Variants in ACTN2 observed in about 807,000 individuals in gnomAD.
The protein encoded by ACTN2 is actinin alpha 2.
In ACTN2, 39 loss-of-function variants were observed where a neutral mutation model predicts 113.8. That is an observed-to-expected ratio of 0.34 (90% CI 0.27 to 0.45). The LOEUF is 0.45. ACTN2 is among the 20% of genes least tolerant of loss of function. ACTN2 has a pLI of 1.00. For synonymous variants in ACTN2, 429 were observed against 444.1 expected (o/e 0.97, Z 0.43); for missense variants, 992 against 1,177.9 (o/e 0.84, Z 2.31).
At chr1:236,719,977 A>C in intron 3 of ACTN2, 128 bp from the exon 4 acceptor site, 1 of 705,540 alleles carries the variant, frequency 1.4e-6, no homozygotes, top group South Asian at 1.6e-5. Context: ...GCTTATAAAA[A>C]CATAAACTGG....
chr1:236,686,678 AC>A lies in ACTN2; in HGVS notation c.7del (p.Gln3ArgfsTer2). ...AGCCCCGGCCAACCGAGCGCCATGA[AC>A]CAGATAGAGCCCGGCGTGCAGTACA... M[N>X]QIEPGVQYNY... On this transcript the variant is annotated frameshift_variant, in exon 1 of 21. Coordinates refer to ENST00000366578, the MANE Select transcript of ACTN2 (RefSeq NM_001103.4). LOFTEE classifies it high-confidence loss of function. 1 of 1,558,398 alleles carries A rather than the reference AC, an allele frequency of 6.4e-7. No individual in the cohort carries two copies. The highest frequency in any genetic ancestry group is 8.7e-7 in the Non-Finnish European group (1 of 1,152,172).
At chr1:236,737,060 C>T (rs1426932870) in intron 8 of ACTN2, 62 bp from the exon 9 acceptor site, 47 of 1,402,444 alleles carry the variant, frequency 3.4e-5, no homozygotes, top group Non-Finnish European at 4.4e-5. Flanking sequence ...CCACCTCGTT[C>T]CATGCTGTGT....
intron 1 of ACTN2, among the ~76,000 whole-genome samples, chr1:236,706,553 G>A (rs1398868029): frequency 6.6e-6 from 1 of 152,128 alleles, no homozygotes; most frequent in Non-Finnish European, 1.5e-5. Context: ...CTGCATCCAG[G>A]CAGAGTTTGT....
intron 13 of ACTN2, chr1:236,748,204 T>G (rs1659293702): frequency 4.0e-6 from 1 of 250,096 alleles, no homozygotes; most frequent in Admixed American, 5.1e-5. Context: ...TATTTAAGTG[T>G]AAGACTAAGT....
chr1:236,761,303 C>T (rs1205200281), intron 20 of ACTN2, 130 bp downstream of exon 20: 3 of 1,060,366 alleles, frequency 2.8e-6, no homozygotes, highest in South Asian at 1.4e-5. Context: ...GCACTGATTT[C>T]AGAAGGCAGC....
chr1:236,702,154 C>T (rs1043023700), intron 1 of ACTN2, among the ~76,000 whole-genome samples: 1 of 152,138 alleles, frequency 6.6e-6, no homozygotes, highest in Non-Finnish European at 1.5e-5. Context: ...TGAAGTAGCG[C>T]TTCATTGAGC....
At chr1:236,756,884 G>A (rs376557448) in intron 17 of ACTN2, among the ~76,000 whole-genome samples, 5 of 14,120 alleles carry the variant, frequency 3.5e-4, no homozygotes, top group African/African-American at 7.6e-4. Context: ...CGCTGCCACC[G>A]TTAGAACCCT....
At chr1:236,688,502 T>C (rs1665954410) in intron 1 of ACTN2, among the ~76,000 whole-genome samples, 1 of 152,186 alleles carries the variant, frequency 6.6e-6, no homozygotes, top group East Asian at 1.9e-4. Context: ...GATATATGGC[T>C]TCGAATTCTT....
intron 10 of ACTN2, among the ~76,000 whole-genome samples, chr1:236,740,424 C>T (rs982683616): frequency 1.3e-5 from 2 of 151,998 alleles, no homozygotes; most frequent in Non-Finnish European, 2.9e-5. Context: ...CCAACTCACT[C>T]ACTTCTCTTA....
chr1:236,728,319 A>G (rs765825615), intron 6 of ACTN2, among the ~76,000 whole-genome samples: 1 of 151,800 alleles, frequency 6.6e-6, no homozygotes, highest in Non-Finnish European at 1.5e-5. Flanking sequence ...AATTTTTTGT[A>G]TTTTTAGTAG....
intron 1 of ACTN2, among the ~76,000 whole-genome samples, chr1:236,704,324 G>A (rs550330246): frequency 6.6e-6 from 1 of 152,170 alleles, no homozygotes; most frequent in Non-Finnish European, 1.5e-5. Flanking sequence ...GTGACCAAAT[G>A]TGTGTGGTCT....
At chr1:236,736,537 C>T in intron 8 of ACTN2, 1 of 1,425,102 alleles carries the variant, frequency 7.0e-7, no homozygotes, top group Non-Finnish European at 9.5e-7. Context: ...TTGTGTATTA[C>T]CTCAATGACT....
intron 4 of ACTN2, among the ~76,000 whole-genome samples, chr1:236,721,243 G>T (rs1658387116): frequency 6.6e-6 from 1 of 151,358 alleles, no homozygotes; most frequent in Non-Finnish European, 1.5e-5. Flanking sequence ...AGCCAGGATG[G>T]TCTCGATCTC....
intron 1 of ACTN2, among the ~76,000 whole-genome samples, chr1:236,710,116 G>A (rs1657980721): frequency 6.6e-6 from 1 of 152,072 alleles, no homozygotes; most frequent in Non-Finnish European, 1.5e-5. Flanking sequence ...TTGATTTTTC[G>A]GGTCCCCGTC....
intron 1 of ACTN2, among the ~76,000 whole-genome samples, chr1:236,705,293 T>G (rs1024433960): frequency 1.3e-5 from 2 of 151,978 alleles, no homozygotes; most frequent in African/African-American, 4.8e-5. Flanking sequence ...GTGGGACTCT[T>G]CTTAGAAGAA....
chr1:236,757,394 C>T, intron 17 of ACTN2, 92 bp from the exon 18 acceptor site: 1 of 1,534,204 alleles, frequency 6.5e-7, no homozygotes. Context: ...TTAGTAAGCC[C>T]TTTGAGTCGG....
chr1:236,695,323 A>G (rs1007813564), intron 1 of ACTN2, among the ~76,000 whole-genome samples: 2 of 149,794 alleles, frequency 1.3e-5, no homozygotes, highest in East Asian at 2.0e-4. Flanking sequence ...GGCTGCTGTG[A>G]GCCAAGATCA....
intron 1 of ACTN2, among the ~76,000 whole-genome samples, chr1:236,706,916 A>G (rs888701321): frequency 5.3e-5 from 8 of 152,302 alleles, no homozygotes; most frequent in African/African-American, 1.9e-4. Flanking sequence ...ATTAGAGACT[A>G]CCTTGTGTTG....
At chr1:236,704,542 G>A (rs760774392) in intron 1 of ACTN2, among the ~76,000 whole-genome samples, 2 of 152,162 alleles carry the variant, frequency 1.3e-5, no homozygotes, top group Non-Finnish European at 2.9e-5. Flanking sequence ...TAAAATTGGG[G>A]TTCTCATGCC....
Sources: allele counts gnomAD v4.1 joint callset (sites outside exome capture counted in the v4.1 genomes callset), GRCh38; gene constraint gnomAD v4.1.1; transcripts MANE v1.5; gene names NCBI Gene and HGNC (gene_info 2026-07-23, HGNC 2026-07-21).